Variants in TCF24 observed in about 807,000 individuals in gnomAD.
TCF24 encodes the protein transcription factor 24.
Under a neutral mutation model 9.3 loss-of-function variants are expected in TCF24, and 5 were observed. The ratio of observed to expected loss-of-function variants is 0.54; its 90% CI spans 0.28 to 1.13. The LOEUF (loss-of-function observed/expected upper bound fraction) is 1.13. Among genes scored for constraint, TCF24 ranks in the 50% most tolerant of loss-of-function variants. TCF24 has a pLI of 0.09. For synonymous variants in TCF24, 110 were observed against 115.8 expected (o/e 0.95, Z 0.32); for missense variants, 220 against 236.1 (o/e 0.93, Z 0.45).
intron 3 of TCF24, among the ~76,000 whole-genome samples, chr8:66,953,878 T>C (rs1380831206): frequency 1.3e-5 from 2 of 151,998 alleles, no homozygotes; most frequent in African/African-American, 2.4e-5. Flanking sequence ...TTTCTTCCAG[T>C]TGATCGCATT....
intron 3 of TCF24, among the ~76,000 whole-genome samples, chr8:66,953,424 C>T (rs1306241340): frequency 6.6e-6 from 1 of 152,008 alleles, no homozygotes; most frequent in Non-Finnish European, 1.5e-5. Context: ...AATATTGGCC[C>T]CCACTCTCTT....
intron 3 of TCF24, among the ~76,000 whole-genome samples, chr8:66,954,467 G>GC (rs1268255418): frequency 6.6e-6 from 1 of 152,166 alleles, no homozygotes; most frequent in Admixed American, 6.5e-5. Flanking sequence ...ATCTCCAGCT[G>GC]CGTGCTGGGA....
intron 3 of TCF24, among the ~76,000 whole-genome samples, chr8:66,950,765 A>C (rs1488621065): frequency 4.8e-3 from 722 of 151,388 alleles, no homozygotes; most frequent in Non-Finnish European, 8.3e-3. Context: ...CTTTTATTTC[A>C]TTGAGCAGTG....
At chr8:66,955,543 T>C (rs11992605) in intron 3 of TCF24, among the ~76,000 whole-genome samples, 18,731 of 152,182 alleles carry the variant, frequency 0.12, 2,253 homozygotes, top group African/African-American at 0.31. Context: ...AAATGCCTGG[T>C]AGATAATCCA....
At chr8:66,951,394 T>G (rs1161028355) in intron 3 of TCF24, among the ~76,000 whole-genome samples, 2 of 142,106 alleles carry the variant, frequency 1.4e-5, no homozygotes, top group Non-Finnish European at 3.0e-5. Context: ...TGGATTACAT[T>G]TATTGATTTG....
intron 3 of TCF24, among the ~76,000 whole-genome samples, chr8:66,954,346 C>T (rs1305713101): frequency 6.6e-6 from 1 of 151,702 alleles, no homozygotes; most frequent in South Asian, 2.1e-4. Flanking sequence ...TGTTGGAATA[C>T]CCTGCCGTGT....
At chr8:66,956,728 C>T (rs1313314130) in intron 3 of TCF24, among the ~76,000 whole-genome samples, 1 of 152,164 alleles carries the variant, frequency 6.6e-6, no homozygotes, top group Non-Finnish European at 1.5e-5. Context: ...ATTGTTATAT[C>T]AGATTAAAGT....
chr8:66,948,732 G>A (rs1207310164), intron 3 of TCF24, among the ~76,000 whole-genome samples: 3 of 151,794 alleles, frequency 2.0e-5, no homozygotes, highest in Admixed American at 6.6e-5. Flanking sequence ...GTCTCGCTCT[G>A]TTACCCAGGC....
intron 3 of TCF24, among the ~76,000 whole-genome samples, chr8:66,953,604 G>C (rs1001555807): frequency 1.1e-4 from 16 of 151,330 alleles, no homozygotes; most frequent in Non-Finnish European, 4.4e-5. Context: ...GAGTATCTTT[G>C]TGGCGTTCTC....
intron 3 of TCF24, among the ~76,000 whole-genome samples, chr8:66,949,567 G>C (rs1246596434): frequency 1.3e-5 from 2 of 152,130 alleles, no homozygotes; most frequent in Admixed American, 6.5e-5. Flanking sequence ...ATAAACATAC[G>C]TGTGCATGTC....
chr8:66,956,240 G>A (rs1284692758), intron 3 of TCF24, among the ~76,000 whole-genome samples: 1 of 150,872 alleles, frequency 6.6e-6, no homozygotes, highest in African/African-American at 2.4e-5. Context: ...GATTACAGGT[G>A]GTGAGCCACC....
chr8:66,954,747 C>T (rs1257335048), intron 3 of TCF24, among the ~76,000 whole-genome samples: 1 of 152,282 alleles, frequency 6.6e-6, no homozygotes, highest in Non-Finnish European at 1.5e-5. Flanking sequence ...ATCAGTGAGA[C>T]TCCGTGGGCG....
chr8:66,951,817 T>C lies in TCF24; in HGVS notation c.391-3653A>G, dbSNP rs1392496677. On this transcript the variant is annotated intron_variant, in intron 3 of 3. Transcript: ENST00000563496. ...GAGATTCAACTTCTTCCTGGTTTAG[T>C]CTTGGGAGAGTGTATGTGTCAAGGA... Among the ~76,000 whole-genome samples, 5 of 152,022 alleles carry C rather than the reference T, an allele frequency of 3.3e-5. No homozygotes were observed. In the East Asian group the frequency reaches 9.7e-4, roughly 30 times the overall value.
intron 3 of TCF24, among the ~76,000 whole-genome samples, chr8:66,960,958 A>C (rs900178659): frequency 7.2e-5 from 11 of 152,208 alleles, no homozygotes; most frequent in Non-Finnish European, 1.5e-4. Flanking sequence ...AATCTTTCAA[A>C]TATCCCATAA....
At chr8:66,948,652 C>CAACT (rs200956393) in intron 3 of TCF24, among the ~76,000 whole-genome samples, 117 of 134,754 alleles carry the variant, frequency 8.7e-4, no homozygotes, top group African/African-American at 2.3e-3. Flanking sequence ...TGAAAAGTGT[C>CAACT]AACTATCTAT....
At position 66,949,924 on chromosome 8, in the gene TCF24, A is replaced by G. The variant is rs1490910237; in HGVS notation, c.391-1760T>C. On this transcript the variant is annotated intron_variant, in intron 3 of 3. Coordinates refer to ENST00000563496, the MANE Select transcript of TCF24 (RefSeq NM_001193502.2). ...GTCTTCTTTTGAGAAGTGTCTGTTC[A>G]TGTCCTTCGCCCACTTTTTGATGGG... Among the ~76,000 whole-genome samples the G allele has an allele frequency of 4.9e-5, 7 of 143,590 alleles. No individual in the cohort carries two copies. The Admixed American group carries it at 5.0e-4, about 10-fold the overall frequency. 94.2% of individuals were successfully genotyped at this position (143,590 alleles called of 152,430 possible). A position where few individuals can be genotyped will look rare whatever the true frequency, so the allele number is the denominator to read the frequency against.
intron 3 of TCF24, among the ~76,000 whole-genome samples, chr8:66,956,773 TTAC>T (rs1814160833): frequency 6.6e-6 from 1 of 152,178 alleles, no homozygotes; most frequent in Admixed American, 6.6e-5. Context: ...TGCTGTAGTG[TTAC>T]AGACTGAATG....
Position 66,961,781 on chromosome 8 carries a change from C to CAT in TCF24, c.-17_-16insAT. 1 of 1,112,414 alleles carries CAT rather than the reference C, an allele frequency of 9.0e-7. No individual in the cohort carries two copies. 68.9% of individuals were successfully genotyped at this position (1,112,414 alleles called of 1,614,324 possible). ...CGCGGTCCATGGCAGCTTCCCGCGC[C>CAT]GCGCGCGCTGCAAAGGACCGAAGGT... On this transcript the variant is annotated 5_prime_UTR_variant, in exon 3 of 4. In the 5' UTR this introduces an upstream ATG that the reference lacks. Coordinates refer to ENST00000563496, the MANE Select transcript of TCF24 (RefSeq NM_001193502.2).
intron 3 of TCF24, among the ~76,000 whole-genome samples, chr8:66,955,473 T>A (rs1487952122): frequency 2.0e-5 from 3 of 152,106 alleles, no homozygotes; most frequent in Non-Finnish European, 4.4e-5. Flanking sequence ...AGGCTACTTA[T>A]CTTCATCACG....
Sources: gnomAD v4.1 joint callset for allele counts (sites outside exome capture counted in the v4.1 genomes callset) on GRCh38, gnomAD v4.1.1 for gene constraint, MANE v1.5 for transcripts, NCBI Gene and HGNC (gene_info 2026-07-23, HGNC 2026-07-21) for gene names.